GRIK1: variants seen among roughly 807,000 people sequenced by gnomAD.
GRIK1 encodes the protein glutamate ionotropic receptor kainate type subunit 1, also known as glutamate receptor ionotropic, kainate 1.
Under a neutral mutation model 105.7 loss-of-function variants are expected in GRIK1, and 69 were observed. The observed-to-expected ratio is 0.65, with a 90% CI of 0.54 to 0.80. GRIK1 has a LOEUF of 0.80. Ranked by LOEUF, GRIK1 falls within the 30% of genes least tolerant of loss-of-function variation. The pLI, the probability that GRIK1 is intolerant of heterozygous loss-of-function variation, is 0.00. For synonymous variants in GRIK1, 438 were observed against 431.3 expected (o/e 1.02, Z -0.19); for missense variants, 1,109 against 1,167.3 (o/e 0.95, Z 0.73).
chr21:29,614,491 G>A (rs887725100), intron 7 of GRIK1, among the ~76,000 whole-genome samples: 1 of 124,614 alleles, frequency 8.0e-6, no homozygotes, highest in Non-Finnish European at 1.6e-5. Context: ...TCAGCTCACC[G>A]CAACCTCTGC....
intron 1 of GRIK1, among the ~76,000 whole-genome samples, chr21:29,896,615 A>G (rs2070172249): frequency 6.6e-6 from 1 of 152,226 alleles, no homozygotes; most frequent in South Asian, 2.1e-4. Flanking sequence ...AGTAGCTGTT[A>G]AGGTTGTGAA....
At chr21:29,930,706 C>T (rs1200331896) in intron 1 of GRIK1, among the ~76,000 whole-genome samples, 1 of 152,150 alleles carries the variant, frequency 6.6e-6, no homozygotes, top group Non-Finnish European at 1.5e-5. Context: ...ATAGGAACAA[C>T]TAATGTCTGA....
At chr21:29,673,304 T>C in intron 3 of GRIK1, 140 bp from the exon 4 acceptor site, 2 of 541,878 alleles carry the variant, frequency 3.7e-6, no homozygotes, top group Non-Finnish European at 3.3e-6. Context: ...GACTTCCCAT[T>C]TGTCACTCAT....
intron 1 of GRIK1, among the ~76,000 whole-genome samples, chr21:29,720,493 A>G (rs375766004): frequency 5.7e-4 from 86 of 150,598 alleles, no homozygotes; most frequent in Middle Eastern, 3.4e-3. Flanking sequence ...ATGTGTGTGT[A>G]TATGTGTGTG....
rs753598393 is a variant in GRIK1, at chr21:29,537,934, C to CA, written c.2608-51dup. 198 of 866,724 alleles carry CA rather than the reference C, an allele frequency of 2.3e-4. 1 individual carries two copies. The highest frequency in any genetic ancestry group is 6.2e-5 in the South Asian group (4 of 65,018). 53.7% of individuals were successfully genotyped at this position (866,724 alleles called of 1,614,324 possible). ...ACAATTTTAAATTGTACATTTTCTCCAAAAAACAGAGATTCTGGCAGCAGC... is the reference window on the plus strand; with the variant it reads ...ACAATTTTAAATTGTACATTTTCTCCAAAAAAACAGAGATTCTGGCAGCAGC... On this transcript the variant is annotated intron_variant, in intron 16 of 17. Coordinates refer to ENST00000327783, the MANE Select transcript of GRIK1 (RefSeq NM_001330994.2).
chr21:29,889,990 G>C (rs993060689), intron 1 of GRIK1, among the ~76,000 whole-genome samples: 2 of 152,082 alleles, frequency 1.3e-5, no homozygotes, highest in African/African-American at 4.8e-5. Flanking sequence ...CTGTGAAAAT[G>C]TCTAGATCTC....
chr21:29,605,066 CTT>C, intron 7 of GRIK1, among the ~76,000 whole-genome samples: 1 of 151,688 alleles, frequency 6.6e-6, no homozygotes, highest in East Asian at 1.9e-4. Context: ...TTTTCTTCAA[CTT>C]TTGTGTTAAG....
intron 1 of GRIK1, among the ~76,000 whole-genome samples, chr21:29,710,305 A>C (rs2064012960): frequency 6.6e-6 from 1 of 152,070 alleles, no homozygotes; most frequent in Non-Finnish European, 1.5e-5. Context: ...TGCACTTATT[A>C]ATAAATTAGA....
intron 1 of GRIK1, among the ~76,000 whole-genome samples, chr21:29,868,702 T>C (rs2068909401): frequency 6.6e-6 from 1 of 152,198 alleles, no homozygotes; most frequent in African/African-American, 2.4e-5. Context: ...CTTCACTTTG[T>C]TCTATTTTTT....
intron 3 of GRIK1, among the ~76,000 whole-genome samples, chr21:29,679,048 T>C (rs964060523): frequency 1.3e-5 from 2 of 152,228 alleles, no homozygotes; most frequent in Admixed American, 1.3e-4. Flanking sequence ...GATATTTCAC[T>C]TACTCACAGG....
chr21:29,929,929 G>A (rs572750158), intron 1 of GRIK1, among the ~76,000 whole-genome samples: 74 of 152,218 alleles, frequency 4.9e-4, no homozygotes, highest in African/African-American at 1.3e-3. Context: ...GTCCATCAGC[G>A]GATGAATGGA....
chr21:29,699,054 A>T (rs2063764869), intron 1 of GRIK1, among the ~76,000 whole-genome samples: 1 of 152,194 alleles, frequency 6.6e-6, no homozygotes, highest in Non-Finnish European at 1.5e-5. Flanking sequence ...TGCTGATGCT[A>T]AACTGGTCTG....
intron 1 of GRIK1, among the ~76,000 whole-genome samples, chr21:29,872,611 A>T (rs2069057726): frequency 6.6e-6 from 1 of 152,176 alleles, no homozygotes; most frequent in African/African-American, 2.4e-5. Context: ...AAACTGAGTA[A>T]TTTTTAAGAA....
intron 1 of GRIK1, among the ~76,000 whole-genome samples, chr21:29,902,717 T>A (rs2975198): frequency 6.6e-6 from 1 of 151,954 alleles, no homozygotes; most frequent in Non-Finnish European, 1.5e-5. Context: ...GGCCTTACTG[T>A]CCAAAGTAAT....
intron 16 of GRIK1, among the ~76,000 whole-genome samples, chr21:29,554,551 G>A (rs1044604667): frequency 6.6e-6 from 1 of 152,006 alleles, no homozygotes; most frequent in African/African-American, 2.4e-5. Context: ...AAAAATTTGA[G>A]GTGATATATC....
chr21:29,553,054 A>G (rs1024063220), intron 16 of GRIK1, among the ~76,000 whole-genome samples: 1 of 152,058 alleles, frequency 6.6e-6, no homozygotes, highest in Non-Finnish European at 1.5e-5. Flanking sequence ...TTAAAAATTA[A>G]CATTGTTATG....
chr21:29,624,626 C>A (rs942462366), intron 7 of GRIK1, among the ~76,000 whole-genome samples: 80 of 152,308 alleles, frequency 5.3e-4, no homozygotes, highest in African/African-American at 1.7e-3. Flanking sequence ...TAAAAGCCAA[C>A]AATGAATGTT....
intron 1 of GRIK1, among the ~76,000 whole-genome samples, chr21:29,870,774 A>G (rs1199208843): frequency 1.3e-5 from 2 of 152,132 alleles, no homozygotes; most frequent in African/African-American, 4.8e-5. Context: ...CCAGAATTAT[A>G]TTTATAATAT....
chr21:29,889,109 A>G (rs1321704315), intron 1 of GRIK1, among the ~76,000 whole-genome samples: 2 of 152,182 alleles, frequency 1.3e-5, no homozygotes, highest in Non-Finnish European at 2.9e-5. Context: ...ACTTGAAACA[A>G]AGTAGGTCAA....
Sources: gnomAD v4.1 joint callset for allele counts (sites outside exome capture counted in the v4.1 genomes callset) on GRCh38, gnomAD v4.1.1 for gene constraint, MANE v1.5 for transcripts, NCBI Gene and HGNC (gene_info 2026-07-23, HGNC 2026-07-21) for gene names.